AFG2A: variants seen among roughly 807,000 people sequenced by gnomAD.
AFG2A encodes the protein AAA ATPase AFG2A.
At chr4:123,137,772 G>A in the AFG2A span, among the ~76,000 whole-genome samples, 4 of 151,782 alleles carry the variant, frequency 2.6e-5, no homozygotes, top group South Asian at 8.3e-4. Flanking sequence ...TCCTTTTTCT[G>A]CCTTCTTTTG....
At chr4:123,304,120 A>G in the AFG2A span, among the ~76,000 whole-genome samples, 1 of 152,076 alleles carries the variant, frequency 6.6e-6, no homozygotes, top group African/African-American at 2.4e-5. Flanking sequence ...CTCCAATGCC[A>G]TTTTACTCCC....
chr4:123,163,393 G>T, the AFG2A span, among the ~76,000 whole-genome samples: 1 of 152,178 alleles, frequency 6.6e-6, no homozygotes, highest in Non-Finnish European at 1.5e-5. Context: ...AGTGAGCTGA[G>T]ATTGCACGGC....
the AFG2A span, among the ~76,000 whole-genome samples, chr4:123,015,589 T>C: frequency 2.0e-5 from 3 of 151,060 alleles, no homozygotes; most frequent in African/African-American, 7.3e-5. Context: ...TACCTCTTTC[T>C]ACACAGACAT....
At chr4:123,164,115 G>C in the AFG2A span, among the ~76,000 whole-genome samples, 1 of 151,924 alleles carries the variant, frequency 6.6e-6, no homozygotes, top group Non-Finnish European at 1.5e-5. Context: ...CACCCCTTTT[G>C]GGCTCTTATA....
At chr4:123,243,452 A>G in the AFG2A span, among the ~76,000 whole-genome samples, 1 of 152,208 alleles carries the variant, frequency 6.6e-6, no homozygotes, top group African/African-American at 2.4e-5. Flanking sequence ...TTGTTGGGAC[A>G]TGGATGAAGC....
the AFG2A span, among the ~76,000 whole-genome samples, chr4:123,174,113 A>G: frequency 1.3e-5 from 2 of 152,346 alleles, no homozygotes; most frequent in South Asian, 4.1e-4. Flanking sequence ...AGCAAGCTAT[A>G]TACTGTCAAT....
the AFG2A span, among the ~76,000 whole-genome samples, chr4:123,145,093 T>C: frequency 6.6e-6 from 1 of 152,092 alleles, no homozygotes; most frequent in Non-Finnish European, 1.5e-5. Context: ...AGAGATTCAC[T>C]CTCTTCCTGT....
At chr4:123,223,863 T>C in the AFG2A span, among the ~76,000 whole-genome samples, 5 of 152,234 alleles carry the variant, frequency 3.3e-5, no homozygotes, top group African/African-American at 9.6e-5. Context: ...TCCAATTCAG[T>C]AGGTTGCTTT....
the AFG2A span, among the ~76,000 whole-genome samples, chr4:123,176,092 T>G: frequency 1.9e-4 from 29 of 152,296 alleles, no homozygotes; most frequent in African/African-American, 7.0e-4. Context: ...TTAAATCATC[T>G]GTAAGGAGGG....
the AFG2A span, among the ~76,000 whole-genome samples, chr4:123,237,274 T>C: frequency 6.6e-6 from 1 of 152,164 alleles, no homozygotes; most frequent in Non-Finnish European, 1.5e-5. Flanking sequence ...TGCCAAACCC[T>C]ACAGAGGGGG....
the AFG2A span, among the ~76,000 whole-genome samples, chr4:123,112,203 A>G: frequency 6.6e-6 from 1 of 152,224 alleles, no homozygotes; most frequent in Admixed American, 6.5e-5. Flanking sequence ...GATTTTGGAA[A>G]TGTTAAATTA....
At chr4:123,087,524 TC>T in the AFG2A span, among the ~76,000 whole-genome samples, 1 of 152,204 alleles carries the variant, frequency 6.6e-6, no homozygotes, top group African/African-American at 2.4e-5. Flanking sequence ...TGGGTACTTT[TC>T]CTTCCTCCTG....
At chr4:123,303,342 A>C in the AFG2A span, among the ~76,000 whole-genome samples, 1 of 152,202 alleles carries the variant, frequency 6.6e-6, no homozygotes, top group South Asian at 2.1e-4. Flanking sequence ...GCAACATTGC[A>C]AGACCCCGTC....
At chr4:123,218,498 C>T in the AFG2A span, among the ~76,000 whole-genome samples, 1 of 152,126 alleles carries the variant, frequency 6.6e-6, no homozygotes, top group Admixed American at 6.5e-5. Context: ...TGAACTCCTT[C>T]GTGGTGGAGA....
At chr4:123,153,150 T>C in the AFG2A span, among the ~76,000 whole-genome samples, 3 of 152,230 alleles carry the variant, frequency 2.0e-5, no homozygotes, top group Admixed American at 6.5e-5. Context: ...AGGCCTAGAA[T>C]GTCCACAGTG....
chr4:123,102,326 A>G, the AFG2A span: 2 of 151,240 alleles, frequency 1.3e-5, no homozygotes, highest in African/African-American at 4.8e-5. Context: ...AAAGCAATCA[A>G]TCAGCCTTTA....
At chr4:123,201,530 A>C in the AFG2A span, among the ~76,000 whole-genome samples, 1 of 152,212 alleles carries the variant, frequency 6.6e-6, no homozygotes, top group Non-Finnish European at 1.5e-5. Context: ...TACTTTGCTG[A>C]GCAAAAATGG....
the AFG2A span, among the ~76,000 whole-genome samples, chr4:123,079,022 GT>G: frequency 1.3e-5 from 2 of 152,078 alleles, no homozygotes; most frequent in Admixed American, 1.3e-4. Context: ...TGTTATTACT[GT>G]TTTTATGAGG....
the AFG2A span, among the ~76,000 whole-genome samples, chr4:122,930,020 G>T: frequency 6.6e-6 from 1 of 152,152 alleles, no homozygotes; most frequent in Admixed American, 6.5e-5. Context: ...TGTAATCAGG[G>T]CTTCTTATTT....
Sources: gnomAD v4.1 joint callset for allele counts (sites outside exome capture counted in the v4.1 genomes callset) on GRCh38, gnomAD v4.1.1 for gene constraint, MANE v1.5 for transcripts, NCBI Gene and HGNC (gene_info 2026-07-23, HGNC 2026-07-21) for gene names.